Variants in CCSER1 observed in about 807,000 individuals in gnomAD.
CCSER1 encodes the protein serine-rich coiled-coil domain-containing protein 1.
Under a neutral mutation model 82.0 loss-of-function variants are expected in CCSER1, and 41 were observed. That is an observed-to-expected ratio of 0.50 (90% confidence interval 0.39 to 0.65). The LOEUF (loss-of-function observed/expected upper bound fraction) is 0.65. Ranked by LOEUF, CCSER1 falls within the 30% of genes least tolerant of loss-of-function variation. The pLI, the probability that CCSER1 is intolerant of heterozygous loss-of-function variation, is 0.00. For synonymous variants in CCSER1, 414 were observed against 383.9 expected, an observed-to-expected ratio of 1.08 and a Z score of -0.92; for missense variants, 1,119 against 1,064.2, an observed-to-expected ratio of 1.05 and a Z score of -0.72.
intron 4 of CCSER1, among the ~76,000 whole-genome samples, chr4:90,404,829 G>A (rs149792635): frequency 0.01 from 1,542 of 152,302 alleles, 16 homozygotes; most frequent in South Asian, 0.03. Context: ...ACCACATCAA[G>A]GGAGCACTCT....
intron 10 of CCSER1, among the ~76,000 whole-genome samples, chr4:91,558,059 T>C (rs2110243840): frequency 6.6e-6 from 1 of 150,576 alleles, no homozygotes; most frequent in Admixed American, 6.7e-5. Context: ...AAAGAATTTT[T>C]ACTCTTAATA....
intron 6 of CCSER1, among the ~76,000 whole-genome samples, chr4:90,666,096 C>A (rs1731727739): frequency 6.6e-6 from 1 of 152,064 alleles, no homozygotes; most frequent in African/African-American, 2.4e-5. Flanking sequence ...GAGTCTTTTT[C>A]ACCTATCATA....
chr4:90,466,602 T>G (rs1763682848), intron 4 of CCSER1, among the ~76,000 whole-genome samples: 1 of 152,220 alleles, frequency 6.6e-6, no homozygotes, highest in African/African-American at 2.4e-5. Flanking sequence ...AACTGTGAAA[T>G]GATTAATGGA....
chr4:91,061,699 C>T (rs1054667604), intron 9 of CCSER1, among the ~76,000 whole-genome samples: 4 of 151,992 alleles, frequency 2.6e-5, no homozygotes, highest in South Asian at 2.1e-4. Flanking sequence ...TCTCCTACTA[C>T]TTCTGTTTCA....
intron 1 of CCSER1, among the ~76,000 whole-genome samples, chr4:90,139,086 C>A (rs1724239408): frequency 6.6e-6 from 1 of 152,138 alleles, no homozygotes; most frequent in African/African-American, 2.4e-5. Context: ...TAGTGACATC[C>A]TAGCTTGCTA....
At chr4:90,342,504 C>T (rs1052115293) in intron 3 of CCSER1, among the ~76,000 whole-genome samples, 7 of 152,126 alleles carry the variant, frequency 4.6e-5, no homozygotes, top group Non-Finnish European at 1.0e-4. Context: ...TCTACTCACT[C>T]AATTTCTGGC....
intron 10 of CCSER1, among the ~76,000 whole-genome samples, chr4:91,506,910 A>T (rs1759524717): frequency 6.6e-6 from 1 of 152,088 alleles, no homozygotes; most frequent in Non-Finnish European, 1.5e-5. Context: ...AGTTTTTGTG[A>T]CCATCACTTA....
chr4:91,289,792 A>G (rs891341635), intron 10 of CCSER1, among the ~76,000 whole-genome samples: 8 of 152,072 alleles, frequency 5.3e-5, no homozygotes, highest in African/African-American at 1.9e-4. Context: ...AAAACAATAA[A>G]GAAGAAATGT....
chr4:91,128,048 T>C (rs1050178333), intron 10 of CCSER1, among the ~76,000 whole-genome samples: 3 of 152,034 alleles, frequency 2.0e-5, no homozygotes, highest in African/African-American at 7.2e-5. Context: ...ATCCTGTTAG[T>C]CCTGCTGCTG....
At chr4:91,378,812 C>A (rs929408404) in intron 10 of CCSER1, among the ~76,000 whole-genome samples, 1 of 152,172 alleles carries the variant, frequency 6.6e-6, no homozygotes, top group Non-Finnish European at 1.5e-5. Flanking sequence ...TAAGAGAGGG[C>A]ATCCCTGTTT....
At chr4:90,447,700 C>G (rs946605010) in intron 4 of CCSER1, among the ~76,000 whole-genome samples, 13 of 152,198 alleles carry the variant, frequency 8.5e-5, no homozygotes, top group Middle Eastern at 6.8e-3. Context: ...TAAAAACAAG[C>G]AAACACCTAA....
At chr4:90,299,973 T>G (rs927584289) in intron 1 of CCSER1, among the ~76,000 whole-genome samples, 3 of 150,776 alleles carry the variant, frequency 2.0e-5, no homozygotes, top group Non-Finnish European at 4.4e-5. Flanking sequence ...ATATCTGTTG[T>G]TTTTTTGGGG....
chr4:91,600,454 C>T lies in CCSER1; in HGVS notation c.*1397C>T, dbSNP rs1700750247. 1 of 152,126 alleles carries T rather than the reference C, an allele frequency of 6.6e-6. No individual in the cohort carries two copies. The highest frequency in any genetic ancestry group is 6.6e-5 in the Admixed American group (1 of 15,252). The allele number at this position is 152,126 out of a possible 1,614,324, so 9.4% of individuals were successfully genotyped here. On this transcript the variant is annotated 3_prime_UTR_variant, in exon 11 of 11. Coordinates refer to ENST00000509176, the MANE Select transcript of CCSER1 (RefSeq NM_001145065.2). ...GTCCATGCAAATTGAAACTGTCATA[C>T]CTACTGCATGATCTGTTTCCCTTGC...
chr4:91,295,157 A>T lies in CCSER1; in HGVS notation c.2217+209163A>T, dbSNP rs145243737. ...CTCAATATAATGACAGTGAGAAAAT[A>T]TGATTTAAGCTATCTAATGAAATAT... On this transcript the variant is annotated intron_variant, in intron 10 of 10. Coordinates refer to ENST00000509176, the MANE Select transcript of CCSER1 (RefSeq NM_001145065.2). 3.0e-3 allele frequency among the ~76,000 whole-genome samples: 452 copies of T among 152,134 alleles called. 1 individual carries two copies. Among genetic ancestry groups the T allele is most frequent in the African/African-American group, 0.01 (421 of 41,558 alleles).
intron 5 of CCSER1, among the ~76,000 whole-genome samples, chr4:90,517,977 A>G (rs149542711): frequency 1.6e-4 from 24 of 152,208 alleles, no homozygotes; most frequent in African/African-American, 5.8e-4. Flanking sequence ...ACATCTTCCT[A>G]GAATAGTGAT....
At chr4:90,283,374 A>G (rs2153461679) in intron 1 of CCSER1, among the ~76,000 whole-genome samples, 1 of 151,954 alleles carries the variant, frequency 6.6e-6, no homozygotes, top group Non-Finnish European at 1.5e-5. Flanking sequence ...ATGGATACCT[A>G]ACAGTTGCAC....
Position 90,811,995 on chromosome 4 carries a change from C to CACACACACACACATATATATATAT in CCSER1, c.2011-3766_2011-3765insCACACACACACATATATATATATA, listed in dbSNP as rs367800484. On this transcript the variant is annotated intron_variant, in intron 7 of 10. Coordinates refer to ENST00000509176, the MANE Select transcript of CCSER1 (RefSeq NM_001145065.2). ...ATATATATATATATATATATAAACA[C>CACACACACACACATATATATATAT]ATATATATATATGAGTTTATTAAGT... Among the ~76,000 whole-genome samples the CACACACACACACATATATATATAT allele has an allele frequency of 9.3e-3, 1,320 of 142,684 alleles. 11 individuals are homozygous for CACACACACACACATATATATATAT. The highest frequency in any genetic ancestry group is 0.015 in the Non-Finnish European group (1,002 of 65,942). The allele number at this position is 142,684 out of a possible 152,430, so 93.6% of individuals were successfully genotyped here. A position where few individuals can be genotyped will look rare whatever the true frequency, so the allele number is the denominator to read the frequency against.
chr4:91,379,532 A>C (rs1054647160), intron 10 of CCSER1, among the ~76,000 whole-genome samples: 54 of 152,142 alleles, frequency 3.5e-4, no homozygotes, highest in African/African-American at 1.2e-3. Context: ...TTTCTAGTTT[A>C]TTTGCATAGA....
At chr4:91,450,952 G>GAAA (rs1755839510) in intron 10 of CCSER1, among the ~76,000 whole-genome samples, 1 of 152,010 alleles carries the variant, frequency 6.6e-6, no homozygotes, top group Non-Finnish European at 1.5e-5. Flanking sequence ...TAGTCTGTTA[G>GAAA]GGATACTATA....
Sources: allele counts gnomAD v4.1 joint callset (sites outside exome capture counted in the v4.1 genomes callset), GRCh38; gene constraint gnomAD v4.1.1; transcripts MANE v1.5; gene names NCBI Gene and HGNC (gene_info 2026-07-23, HGNC 2026-07-21).